CUX1: variants seen among roughly 807,000 people sequenced by gnomAD.
The protein encoded by CUX1 is protein CASP.
A neutral mutation model predicts 158.8 loss-of-function variants in CUX1; 31 were observed. The ratio of observed to expected loss-of-function variants is 0.20; its 90% CI spans 0.15 to 0.26. The LOEUF is 0.26. Among genes scored for constraint, CUX1 ranks in the 10% least tolerant of loss-of-function variants. The pLI, the probability that CUX1 is intolerant of heterozygous loss-of-function variation, is 1.00. For missense variants in CUX1, 1,589 were observed against 2,014.6 expected, an observed-to-expected ratio of 0.79 and a Z score of 4.04; for synonymous variants, 879 against 862.1, an observed-to-expected ratio of 1.02 and a Z score of -0.34.
chr7:102,103,432 TCTCACTCA>T (rs143109348), intron 5 of CUX1, among the ~76,000 whole-genome samples: 34,977 of 148,216 alleles, frequency 0.24, 4,311 homozygotes, highest in Non-Finnish European at 0.3. Context: ...TCTCTCTCTC[TCTCACTCA>T]CTCACTCACT....
intron 9 of CUX1, among the ~76,000 whole-genome samples, chr7:102,163,085 T>A (rs1790632515): frequency 6.6e-6 from 1 of 152,108 alleles, no homozygotes. Context: ...GGAGGAAAGA[T>A]GCAAGCCCTT....
intron 8 of CUX1, among the ~76,000 whole-genome samples, chr7:102,147,518 G>C (rs1305961070): frequency 1.3e-5 from 2 of 152,158 alleles, no homozygotes; most frequent in African/African-American, 4.8e-5. Context: ...TTATTGCCTT[G>C]TTTTTCAGAG....
At chr7:101,922,930 A>G (rs1201110663) in intron 2 of CUX1, among the ~76,000 whole-genome samples, 1 of 152,254 alleles carries the variant, frequency 6.6e-6, no homozygotes, top group Non-Finnish European at 1.5e-5. Context: ...GTATGTGAGC[A>G]GTGGAGGCTG....
intron 12 of CUX1, among the ~76,000 whole-genome samples, chr7:102,192,019 A>G (rs1554517148): frequency 6.6e-6 from 1 of 152,144 alleles, no homozygotes; most frequent in Non-Finnish European, 1.5e-5. Flanking sequence ...GACAGGCCCC[A>G]CCACCATGTG....
intron 8 of CUX1, among the ~76,000 whole-genome samples, chr7:102,132,712 C>T (rs1273868069): frequency 1.5e-5 from 2 of 129,300 alleles, no homozygotes; most frequent in East Asian, 2.1e-4. Flanking sequence ...GACAGGGTCT[C>T]GCTCTGTCAC....
At chr7:101,852,929 C>T (rs1380753178) in intron 1 of CUX1, among the ~76,000 whole-genome samples, 2 of 152,156 alleles carry the variant, frequency 1.3e-5, no homozygotes, top group Admixed American at 6.5e-5. Flanking sequence ...CCACCTGCCT[C>T]GTCCTCCCAA....
intron 1 of CUX1, among the ~76,000 whole-genome samples, chr7:101,914,476 C>T (rs1803936642): frequency 6.9e-6 from 1 of 144,412 alleles, no homozygotes; most frequent in Non-Finnish European, 1.5e-5. Flanking sequence ...CCTTCCTTCC[C>T]TTCTTCCTTC....
intron 2 of CUX1, among the ~76,000 whole-genome samples, chr7:102,014,306 C>CA (rs796825428): frequency 2.6e-5 from 4 of 152,304 alleles, no homozygotes; most frequent in African/African-American, 9.6e-5. Flanking sequence ...ACAACACAGC[C>CA]ACCATTTCCC....
intron 8 of CUX1, among the ~76,000 whole-genome samples, chr7:102,116,378 C>T (rs1831438814): frequency 6.6e-6 from 1 of 152,126 alleles, no homozygotes; most frequent in Non-Finnish European, 1.5e-5. Context: ...TAAAACATCA[C>T]CACTAGATCA....
chr7:101,816,841 G>A (rs1791867322), upstream of CUX1: 1 of 887,210 alleles, frequency 1.1e-6, no homozygotes, highest in African/African-American at 1.9e-5. Context: ...CCCCCGGCCG[G>A]CCCCGGCCGC....
chr7:101,881,009 G>A (rs1037667202), intron 1 of CUX1, among the ~76,000 whole-genome samples: 8 of 152,180 alleles, frequency 5.3e-5, no homozygotes, highest in African/African-American at 9.6e-5. Context: ...TTTTGGGGGA[G>A]CCCCCCGCAG....
At chr7:101,979,531 C>T (rs557036064) in intron 2 of CUX1, among the ~76,000 whole-genome samples, 1 of 152,360 alleles carries the variant, frequency 6.6e-6, no homozygotes, top group Non-Finnish European at 1.5e-5. Flanking sequence ...TTACTCCTAA[C>T]AGTAACTCAC....
intron 20 of CUX1, among the ~76,000 whole-genome samples, chr7:102,211,100 C>G (rs1199612136): frequency 6.6e-6 from 1 of 152,138 alleles, no homozygotes; most frequent in East Asian, 1.9e-4. Flanking sequence ...ATAGCATGTT[C>G]ATAGGGACAG....
At position 102,222,811 on chromosome 7, in the gene CUX1, CTTTTTTTTT is replaced by C. The variant is rs71123016; in HGVS notation, c.3131-4538_3131-4530del. Among the ~76,000 whole-genome samples, 23 of 25,526 alleles carry C rather than the reference CTTTTTTTTT, an allele frequency of 9.0e-4. 4 individuals are homozygous for C. In the South Asian group the frequency reaches 0.052, roughly 58 times the overall value. 16.7% of individuals were successfully genotyped at this position (25,526 alleles called of 152,430 possible). On this transcript the variant is annotated intron_variant, in intron 20 of 23. Transcript: ENST00000292535. ...GGCTGTGTGTCTCGGGGCACCGTAT[CTTTTTTTTT>C]TTTTTTTTTTTTTTTTTGAGACAGA... is the stretch of plus-strand genomic sequence containing the variant.
intron 14 of CUX1, among the ~76,000 whole-genome samples, chr7:102,266,574 C>T (rs1478448634): frequency 4.6e-5 from 7 of 151,890 alleles, no homozygotes; most frequent in African/African-American, 1.5e-4. Context: ...ATGGCCAGAG[C>T]GGATGAGGGG....
At chr7:101,837,551 G>C (rs189489550) in intron 1 of CUX1, among the ~76,000 whole-genome samples, 51 of 152,174 alleles carry the variant, frequency 3.4e-4, no homozygotes, top group African/African-American at 1.1e-3. Flanking sequence ...AAATCTGGCT[G>C]GGTGGAGTGG....
intron 1 of CUX1, among the ~76,000 whole-genome samples, chr7:101,855,094 A>G (rs1562931715): frequency 1.3e-5 from 2 of 152,102 alleles, no homozygotes; most frequent in African/African-American, 4.8e-5. Context: ...CTGTTAATGC[A>G]TCCTCTTCCC....
chr7:102,243,844 A>G (rs1402842885), intron 23 of CUX1, among the ~76,000 whole-genome samples: 3 of 151,846 alleles, frequency 2.0e-5, no homozygotes, highest in African/African-American at 7.3e-5. Flanking sequence ...CCTGGCCAAC[A>G]TGGTGAAACC....
Position 101,869,865 on chromosome 7 carries a change from C to G in CUX1, c.31-46250C>G, listed in dbSNP as rs1798301324. 6.6e-6 allele frequency among the ~76,000 whole-genome samples: 1 copy of G among 152,182 alleles called. No individual in the cohort carries two copies. Among genetic ancestry groups the G allele is most frequent in the South Asian group, 2.1e-4 (1 of 4,832 alleles). On this transcript the variant is annotated intron_variant, in intron 1 of 23. Coordinates refer to ENST00000292535, the MANE Select transcript of CUX1 (RefSeq NM_181552.4). The surrounding 1 kb of genome is among the most constrained non-coding windows in gnomAD (Gnocchi z 4.5). Reference sequence around the variant, plus strand: ...TCTTAAATCCTCTTGTTAAGACGCGCTCCGCCCCTGTGTCCTTATTTCCCA... The same window carrying G: ...TCTTAAATCCTCTTGTTAAGACGCGGTCCGCCCCTGTGTCCTTATTTCCCA...
Sources: gnomAD v4.1 joint callset for allele counts (sites outside exome capture counted in the v4.1 genomes callset) on GRCh38, gnomAD v4.1.1 for gene constraint, Gnocchi (gnomAD v3.1) non-coding constraint, MANE v1.5 for transcripts, NCBI Gene and HGNC (gene_info 2026-07-23, HGNC 2026-07-21) for gene names.